Variants in ADGRG1 observed in about 807,000 individuals in gnomAD.
ADGRG1 encodes the protein adhesion G protein-coupled receptor G1, also known as 7-transmembrane protein with no EGF-like N-terminal domains-1.
ADGRG1 carries 53 observed loss-of-function variants against 73.5 expected under a neutral mutation model. The observed-to-expected ratio is 0.72, with a 90% confidence interval of 0.58 to 0.91. ADGRG1 has a LOEUF of 0.91. Among genes scored for constraint, ADGRG1 ranks in the 40% least tolerant of loss-of-function variants. The pLI is 0.00. For missense variants in ADGRG1, 795 were observed against 871.8 expected (o/e 0.91, Z 1.11); for synonymous variants, 394 against 374.4 (o/e 1.05, Z -0.60).
intron 1 of ADGRG1, chr16:57,646,801 G>A (rs2148033517): frequency 1.2e-6 from 1 of 836,312 alleles, no homozygotes; most frequent in East Asian, 1.2e-4. Context: ...CGTATCACAG[G>A]GTGGTTCTGA....
chr16:57,631,261 A>G (rs2037816387), intron 1 of ADGRG1: 2 of 986,386 alleles, frequency 2.0e-6, no homozygotes, highest in Non-Finnish European at 2.4e-6. Flanking sequence ...CAGCATGACA[A>G]AGGCAGGTAA....
intron 1 of ADGRG1, chr16:57,640,138 C>G (rs1264966578): frequency 2.0e-5 from 3 of 152,414 alleles, no homozygotes; most frequent in African/African-American, 7.2e-5. Flanking sequence ...TCCAAGGTCA[C>G]CTGGGTGAGT....
At chr16:57,639,067 T>C (rs1462242865) in intron 1 of ADGRG1, among the ~76,000 whole-genome samples, 1 of 151,360 alleles carries the variant, frequency 6.6e-6, no homozygotes, top group Non-Finnish European at 1.5e-5. Context: ...GAAACTCTGT[T>C]TGAGAAAAAA....
intron 1 of ADGRG1, chr16:57,631,911 G>T (rs1211915742): frequency 1.2e-5 from 12 of 960,884 alleles, no homozygotes; most frequent in Non-Finnish European, 1.5e-5. Context: ...GCCAAGGGTT[G>T]GGGAGTAGGA....
chr16:57,644,814 TCACA>T (rs1162785529), intron 1 of ADGRG1, among the ~76,000 whole-genome samples: 1 of 122,360 alleles, frequency 8.2e-6, no homozygotes, highest in Non-Finnish European at 1.7e-5. Context: ...TCATCACTCC[TCACA>T]CACATGCACA....
chr16:57,660,993 G>A, intron 12 of ADGRG1, 117 bp downstream of exon 12: 2 of 743,864 alleles, frequency 2.7e-6, no homozygotes, highest in Non-Finnish European at 4.8e-6. Flanking sequence ...TCTCCTCGAG[G>A]AATTGGCCTG....
intron 10 of ADGRG1, chr16:57,658,948 GGGGGT>G: frequency 2.0e-6 from 2 of 984,400 alleles, no homozygotes; most frequent in Non-Finnish European, 2.4e-6. Flanking sequence ...ATCCTGGAGT[GGGGGT>G]GGGGTGGGGT....
chr16:57,627,115 C>A (rs1293525987), upstream of ADGRG1: 1 of 959,590 alleles, frequency 1.0e-6, no homozygotes, highest in East Asian at 1.2e-4. Context: ...CCCTGCACCC[C>A]ACGGGGTGGC....
exon 1 of ADGRG1, chr16:57,621,009 CT>C (rs2034686254): frequency 6.6e-6 from 1 of 152,280 alleles, no homozygotes; most frequent in Non-Finnish European, 1.5e-5. Flanking sequence ...GGCCCCTCCC[CT>C]GGTCTCATGG....
Position 57,661,660 on chromosome 16 carries a change from C to G in ADGRG1, c.1665-37C>G, listed in dbSNP as rs568115492. ...CACAGCCCAGGAAATGCTGCCCGTG[C>G]TGGCCACACGCTGAGCCCTCCTGCC... On this transcript the variant is annotated intron_variant, in intron 12 of 13. Coordinates refer to ENST00000562631, the MANE Select transcript of ADGRG1 (RefSeq NM_201525.4). The G allele has an allele frequency of 3.1e-6, 5 of 1,598,294 alleles. No homozygotes were observed. The African/African-American group carries it at 6.7e-5, about 21-fold the overall frequency.
At chr16:57,633,597 G>A (rs983807343) in intron 1 of ADGRG1, 11 of 770,418 alleles carry the variant, frequency 1.4e-5, no homozygotes, top group Non-Finnish European at 1.7e-5. Context: ...CTGGCTGTGT[G>A]GCCTGGGACA....
chr16:57,656,592 A>G lies in ADGRG1; in HGVS notation c.1142A>G (p.His381Arg). The G allele has an allele frequency of 1.2e-6, 2 of 1,611,954 alleles. No individual in the cohort carries two copies. Among genetic ancestry groups the G allele is most frequent in the Non-Finnish European group, 1.7e-6 (2 of 1,178,070 alleles). The change falls in exon 9 of 14, where the codon CAC becomes CGC. Residue 381 changes from histidine to arginine, a missense_variant. Transcript: ENST00000562631. ...ACCCAAACATCCTGCTTCTGCAACC[A>G]CTTGACCTACTTTGCAGTGCTGATG... ...RETQTSCFCNHLTYFAVLMVS... is the reference protein window; with the variant it reads ...RETQTSCFCNRLTYFAVLMVS...
chr16:57,623,741 T>C (rs940793257), upstream of ADGRG1: 16 of 964,012 alleles, frequency 1.7e-5, no homozygotes, highest in South Asian at 6.2e-4. Context: ...CAATCCCTGC[T>C]GGGCCTGGGC....
intron 1 of ADGRG1, chr16:57,634,267 G>A: frequency 5.1e-6 from 5 of 985,370 alleles, no homozygotes; most frequent in Non-Finnish European, 6.0e-6. Context: ...CTGTGGCAGG[G>A]GGTCAGACAA....
chr16:57,652,064 G>A (rs1597473562), intron 3 of ADGRG1: 3 of 1,055,304 alleles, frequency 2.8e-6, no homozygotes, highest in East Asian at 1.4e-4. Context: ...CAGAGAGGAT[G>A]CCCAAAGCTG....
chr16:57,643,490 G>A (rs2041372262), intron 1 of ADGRG1: 1 of 802,070 alleles, frequency 1.2e-6, no homozygotes, highest in African/African-American at 1.9e-5. Context: ...GGCAGGCAGA[G>A]GGTGTTGTGG....
chr16:57,651,322 G>T lies in ADGRG1; in HGVS notation c.187G>T (p.Glu63Ter). 1 of 1,614,174 alleles carries T rather than the reference G, an allele frequency of 6.2e-7. No homozygotes were observed. Among genetic ancestry groups the T allele is most frequent in the South Asian group, 1.1e-5 (1 of 91,074 alleles). Reference protein sequence around the residue: ...DLRISIENSEEALTVHAPFPA... With the variant: ...DLRISIENSE ...GCGCATCTCCATCGAGAACTCCGAA[G>T]AGGCCCTCACAGTCCATGCCCCTTT... The change falls in exon 3 of 14, where the codon GAG becomes TAG. Residue 63 changes from glutamate (E) to a stop codon, truncating the protein, a stop_gained. Coordinates refer to ENST00000562631, the MANE Select transcript of ADGRG1 (RefSeq NM_201525.4). LOFTEE classifies it high-confidence loss of function.
At chr16:57,650,015 C>T (rs979519932) in intron 1 of ADGRG1, 10 of 365,612 alleles carry the variant, frequency 2.7e-5, no homozygotes, top group South Asian at 1.1e-4. Context: ...TGTGCTCAAG[C>T]GATCCTCCTT....
intron 10 of ADGRG1, 25 bp downstream of exon 10, chr16:57,657,516 G>A (rs1258302790): frequency 6.4e-7 from 1 of 1,551,852 alleles, no homozygotes; most frequent in South Asian, 1.1e-5. Context: ...GGGTGGGACA[G>A]GGGAGGGGAC....
Sources: allele counts gnomAD v4.1 joint callset (sites outside exome capture counted in the v4.1 genomes callset), GRCh38; gene constraint gnomAD v4.1.1; transcripts MANE v1.5; gene names NCBI Gene and HGNC (gene_info 2026-07-23, HGNC 2026-07-21).